Variants in SCTR observed in about 807,000 individuals in gnomAD.
The protein encoded by SCTR is pancreatic secretin receptor.
Under a neutral mutation model 60.8 loss-of-function variants are expected in SCTR, and 56 were observed. That is an observed-to-expected ratio of 0.92 (90% CI 0.74 to 1.15). The LOEUF (loss-of-function observed/expected upper bound fraction) is 1.15. SCTR is among the 50% of genes most tolerant of loss of function. The probability of loss-of-function intolerance (pLI) is 0.00; values close to 1 mark genes in which losing one functional copy is unlikely to be tolerated. For missense variants in SCTR, 562 were observed against 550.4 expected (o/e 1.02, Z -0.21); for synonymous variants, 202 against 217.0 (o/e 0.93, Z 0.61).
At chr2:119,494,285 G>C (rs921912324) in intron 2 of SCTR, 143 bp downstream of exon 2, 1 of 874,102 alleles carries the variant, frequency 1.1e-6, no homozygotes, top group Non-Finnish European at 1.7e-6. Flanking sequence ...CTCCAGCCCT[G>C]CCCCACCAGC....
At chr2:119,473,785 C>A (rs886824218) in intron 3 of SCTR, among the ~76,000 whole-genome samples, 1 of 152,182 alleles carries the variant, frequency 6.6e-6, no homozygotes, top group Non-Finnish European at 1.5e-5. Context: ...ACACCACGTG[C>A]CAGTCCCCCT....
At chr2:119,519,353 C>CCCT (rs1206387290) in intron 1 of SCTR, among the ~76,000 whole-genome samples, 1 of 152,020 alleles carries the variant, frequency 6.6e-6, no homozygotes, top group African/African-American at 2.4e-5. Flanking sequence ...ATTTCTGGGC[C>CCCT]CCTCAATAAA....
At chr2:119,523,340 G>A (rs1679343617) in intron 1 of SCTR, among the ~76,000 whole-genome samples, 1 of 151,444 alleles carries the variant, frequency 6.6e-6, no homozygotes, top group Admixed American at 6.6e-5. Context: ...AGAGAGGCCC[G>A]GGACTCCCAG....
chr2:119,458,297 C>A (rs1316751393), intron 7 of SCTR, among the ~76,000 whole-genome samples: 1 of 138,900 alleles, frequency 7.2e-6, no homozygotes, highest in Non-Finnish European at 1.5e-5. Context: ...CAAAGAGAGA[C>A]CCTATCTTGA....
chr2:119,472,862 G>A (rs1436874530), intron 4 of SCTR, among the ~76,000 whole-genome samples: 2 of 152,094 alleles, frequency 1.3e-5, no homozygotes, highest in African/African-American at 2.4e-5. Context: ...CTGGCCTCAG[G>A]CAATCCTCCC....
intron 1 of SCTR, among the ~76,000 whole-genome samples, chr2:119,500,987 AC>A (rs776002221): frequency 2.0e-4 from 30 of 152,108 alleles, no homozygotes; most frequent in Non-Finnish European, 3.8e-4. Context: ...TATCACATGA[AC>A]CCCCAAAATA....
chr2:119,499,153 AG>A (rs1257653847), intron 1 of SCTR, among the ~76,000 whole-genome samples: 4 of 152,052 alleles, frequency 2.6e-5, no homozygotes, highest in Non-Finnish European at 5.9e-5. Context: ...TGATAAAAAA[AG>A]GCAAGCTATC....
intron 9 of SCTR, 63 bp from the exon 10 acceptor site, chr2:119,448,843 C>T (rs1683032121): frequency 1.1e-6 from 1 of 871,604 alleles, no homozygotes; most frequent in East Asian, 2.6e-5. Context: ...CCTCTCCTGG[C>T]CCTGTCCCCT....
In SCTR at chr2:119,453,272, CT is replaced by C. The variant is rs1459600661; in HGVS notation, c.851+14del. Reference sequence around the variant, plus strand: ...TGTCAGATACATTCTTGTTATCCTCCTTCCGTTAGCTTACCCAACATCTTCC... The same window carrying C: ...TGTCAGATACATTCTTGTTATCCTCCTCCGTTAGCTTACCCAACATCTTCC... On this transcript the variant is annotated intron_variant, in intron 8 of 12. Coordinates refer to ENST00000019103, the MANE Select transcript of SCTR (RefSeq NM_002980.3). 1 of 1,584,444 alleles carries C rather than the reference CT, an allele frequency of 6.3e-7. No individual in the cohort carries two copies. The highest frequency in any genetic ancestry group is 1.1e-5 in the South Asian group (1 of 90,506).
intron 1 of SCTR, chr2:119,495,640 T>C (rs1364058126): frequency 6.6e-6 from 1 of 152,290 alleles, no homozygotes; most frequent in Non-Finnish European, 1.5e-5. Flanking sequence ...CAGAGGCAAG[T>C]AGAAGTCATC....
chr2:119,507,973 C>G (rs917704288), intron 1 of SCTR, among the ~76,000 whole-genome samples: 1 of 152,150 alleles, frequency 6.6e-6, no homozygotes, highest in Non-Finnish European at 1.5e-5. Flanking sequence ...CCACCCGTCT[C>G]TTTTGGCAGA....
chr2:119,501,814 G>C (rs1390041638), intron 1 of SCTR, among the ~76,000 whole-genome samples: 1 of 152,026 alleles, frequency 6.6e-6, no homozygotes, highest in African/African-American at 2.4e-5. Flanking sequence ...CAGATAACAT[G>C]ACTGTCTACA....
chr2:119,468,957 G>A (rs772623178), intron 4 of SCTR, among the ~76,000 whole-genome samples: 1 of 152,156 alleles, frequency 6.6e-6, no homozygotes, highest in Non-Finnish European at 1.5e-5. Flanking sequence ...TTTCCAGAAA[G>A]GAGGTAGATT....
In SCTR at chr2:119,478,949, G is replaced by A. The variant is rs752413443; in HGVS notation, c.194-31C>T. The A allele has an allele frequency of 1.4e-5, 23 of 1,613,720 alleles. No homozygotes were observed. The South Asian group carries it at 2.3e-4, about 16-fold the overall frequency. On this transcript the variant is annotated intron_variant, in intron 2 of 12. Coordinates refer to ENST00000019103, the MANE Select transcript of SCTR (RefSeq NM_002980.3). ...AAGAAAAGCAGCATCAGACAAGGAT[G>A]GGGGATGGACCGAGGGCTGCCCTAC...
At chr2:119,446,941 C>T (rs752197706) in intron 10 of SCTR, 56 bp from the exon 11 acceptor site, 343 of 1,371,730 alleles carry the variant, frequency 2.5e-4, no homozygotes, top group Non-Finnish European at 3.1e-4. Flanking sequence ...CCTTTCTCCT[C>T]CTGTAGGCAC....
intron 2 of SCTR, among the ~76,000 whole-genome samples, chr2:119,483,549 A>G (rs1677729704): frequency 6.6e-6 from 1 of 152,180 alleles, no homozygotes; most frequent in South Asian, 2.1e-4. Flanking sequence ...CAGAAGGCAC[A>G]GAACAGACCC....
At chr2:119,462,519 A>G (rs774232009) in intron 6 of SCTR, among the ~76,000 whole-genome samples, 2 of 152,200 alleles carry the variant, frequency 1.3e-5, no homozygotes, top group Non-Finnish European at 2.9e-5. Context: ...TGCACTCTCC[A>G]CATATCTGAT....
chr2:119,506,591 C>G (rs946055776), intron 1 of SCTR, among the ~76,000 whole-genome samples: 5 of 152,084 alleles, frequency 3.3e-5, no homozygotes, highest in Admixed American at 1.3e-4. Context: ...AAGAATCCTC[C>G]TGCCTTAGCT....
chr2:119,490,906 T>C (rs2579654), intron 2 of SCTR, among the ~76,000 whole-genome samples: 115,567 of 152,120 alleles, frequency 0.76, 44,465 homozygotes, highest in East Asian at 0.88. Context: ...AGCAGCCCCA[T>C]CTCTGACTGA....
Sources: allele counts gnomAD v4.1 joint callset (sites outside exome capture counted in the v4.1 genomes callset), GRCh38; gene constraint gnomAD v4.1.1; transcripts MANE v1.5; gene names NCBI Gene and HGNC (gene_info 2026-07-23, HGNC 2026-07-21).